The following LRP1B variants were observed in gnomAD, a reference collection of about 807,000 sequenced individuals.
LRP1B encodes low-density lipoprotein receptor-related protein 1B.
A neutral mutation model predicts 556.6 loss-of-function variants in LRP1B; 217 were observed. The observed-to-expected ratio is 0.39, with a 90% CI of 0.35 to 0.44. The LOEUF is 0.44. Among genes scored for constraint, LRP1B ranks in the 20% least tolerant of loss-of-function variants. The pLI, the probability that LRP1B is intolerant of heterozygous loss-of-function variation, is 1.00. For missense variants in LRP1B, 5,053 were observed against 5,620.8 expected, an observed-to-expected ratio of 0.90 and a Z score of 3.23; for synonymous variants, 2,047 against 1,865.8, an observed-to-expected ratio of 1.10 and a Z score of -2.50.
intron 84 of LRP1B, among the ~76,000 whole-genome samples, chr2:140,293,269 G>C (rs192658331): frequency 9.2e-5 from 14 of 152,216 alleles, no homozygotes; most frequent in African/African-American, 3.4e-4. Flanking sequence ...TTAACCTCAT[G>C]CTTAACACCT....
chr2:141,147,770 C>T (rs910782941), intron 7 of LRP1B, among the ~76,000 whole-genome samples: 13 of 152,140 alleles, frequency 8.5e-5, no homozygotes, highest in African/African-American at 2.4e-4. Context: ...TTTTGAAGTA[C>T]GGTCACATAC....
At chr2:141,663,779 T>C (rs1690314297) in intron 2 of LRP1B, among the ~76,000 whole-genome samples, 2 of 152,078 alleles carry the variant, frequency 1.3e-5, no homozygotes, top group African/African-American at 4.8e-5. Context: ...GTTGGTACCA[T>C]TTCTTCTGAA....
intron 1 of LRP1B, among the ~76,000 whole-genome samples, chr2:142,087,466 A>C (rs1270007025): frequency 6.6e-6 from 1 of 151,808 alleles, no homozygotes; most frequent in Non-Finnish European, 1.5e-5. Flanking sequence ...TGGACCTCCA[A>C]AGAGAAATTA....
chr2:141,840,514 C>A (rs1172051407), intron 1 of LRP1B, among the ~76,000 whole-genome samples: 2 of 151,996 alleles, frequency 1.3e-5, no homozygotes, highest in Non-Finnish European at 2.9e-5. Context: ...GCCTCGGCCT[C>A]CCAAAGTGCT....
chr2:140,561,714 A>C (rs1680937483), intron 43 of LRP1B, among the ~76,000 whole-genome samples: 1 of 152,126 alleles, frequency 6.6e-6, no homozygotes, highest in South Asian at 2.1e-4. Context: ...TTCCTCAAAA[A>C]AATAGAAAAA....
intron 2 of LRP1B, among the ~76,000 whole-genome samples, chr2:141,505,802 A>C (rs181421510): frequency 6.6e-6 from 1 of 152,180 alleles, no homozygotes; most frequent in Admixed American, 6.5e-5. Flanking sequence ...ATTCCTAATT[A>C]ACTCTTGTAA....
chr2:142,124,787 T>C (rs1013685034), intron 1 of LRP1B, among the ~76,000 whole-genome samples: 1 of 151,896 alleles, frequency 6.6e-6, no homozygotes, highest in Non-Finnish European at 1.5e-5. Flanking sequence ...TGATTTGCTC[T>C]GCAAACTAGA....
At chr2:141,563,107 T>A (rs1204595046) in intron 2 of LRP1B, among the ~76,000 whole-genome samples, 1 of 151,970 alleles carries the variant, frequency 6.6e-6, no homozygotes, top group Admixed American at 6.6e-5. Context: ...GCCTGGGTAT[T>A]AGGTGATTGT....
At chr2:142,004,498 C>T (rs1050222044) in intron 1 of LRP1B, among the ~76,000 whole-genome samples, 2 of 151,628 alleles carry the variant, frequency 1.3e-5, no homozygotes, top group Admixed American at 1.3e-4. Context: ...CATATATATT[C>T]ATGTATTTTT....
At position 140,232,672 on chromosome 2, in the gene LRP1B, G is replaced by A. The variant is rs931848243; in HGVS notation, c.*514C>T. On this transcript the variant is annotated 3_prime_UTR_variant, in exon 91 of 91. Transcript: ENST00000389484. ...GGCTAATTTCAAAGCAGGTGATGCTGAACTTGTGAGAGCTATATATTTTCA... is the reference window on the plus strand; with the variant it reads ...GGCTAATTTCAAAGCAGGTGATGCTAAACTTGTGAGAGCTATATATTTTCA... The A allele has an allele frequency of 1.3e-5, 2 of 151,696 alleles. No homozygotes were observed. Among genetic ancestry groups the A allele is most frequent in the African/African-American group, 2.4e-5 (1 of 41,316 alleles). The allele number at this position is 151,696 out of a possible 1,614,324, so 9.4% of individuals were successfully genotyped here.
chr2:141,686,678 C>T (rs972013098), intron 2 of LRP1B, among the ~76,000 whole-genome samples: 1 of 151,952 alleles, frequency 6.6e-6, no homozygotes, highest in Non-Finnish European at 1.5e-5. Flanking sequence ...TTGAAGGTCT[C>T]CTTCAAAACT....
chr2:140,880,997 A>G (rs777138335), intron 25 of LRP1B, among the ~76,000 whole-genome samples: 13 of 152,152 alleles, frequency 8.5e-5, no homozygotes, highest in Non-Finnish European at 1.9e-4. Flanking sequence ...TAGAAAATAT[A>G]ACAGTATTTA....
chr2:140,624,673 T>C (rs887093674), intron 41 of LRP1B, among the ~76,000 whole-genome samples: 3 of 152,182 alleles, frequency 2.0e-5, no homozygotes, highest in African/African-American at 4.8e-5. Flanking sequence ...GACAACAGCA[T>C]AAGACCCTGT....
chr2:141,698,198 G>C (rs1222047945), intron 2 of LRP1B, among the ~76,000 whole-genome samples: 1 of 151,858 alleles, frequency 6.6e-6, no homozygotes, highest in East Asian at 1.9e-4. Flanking sequence ...AAGTCACTCA[G>C]TGATTGCTTC....
chr2:141,910,272 T>C (rs951728098), intron 1 of LRP1B, among the ~76,000 whole-genome samples: 2 of 152,016 alleles, frequency 1.3e-5, no homozygotes, highest in Non-Finnish European at 2.9e-5. Context: ...TTAGAAACTA[T>C]GTATTGGTGT....
intron 7 of LRP1B, among the ~76,000 whole-genome samples, chr2:141,138,419 G>A (rs1317435059): frequency 6.6e-6 from 1 of 151,912 alleles, no homozygotes; most frequent in Non-Finnish European, 1.5e-5. Flanking sequence ...ACTCTGGTTA[G>A]TGCCCTCAGG....
At chr2:141,086,900 C>G (rs990911923) in intron 7 of LRP1B, among the ~76,000 whole-genome samples, 1 of 152,052 alleles carries the variant, frequency 6.6e-6, no homozygotes, top group Non-Finnish European at 1.5e-5. Flanking sequence ...CTCTGCACAC[C>G]AATGGTTCCA....
Position 140,974,569 on chromosome 2 carries a change from G to A in LRP1B, c.2887+7591C>T, listed in dbSNP as rs549263286. ...CATGTATATGTTTGTACTAGTAGGT[G>A]TGTACAAACCTGCTTTAATAGGAGA... On this transcript the variant is annotated intron_variant, in intron 18 of 90. Transcript: ENST00000389484. Among the ~76,000 whole-genome samples, 192 of 152,278 alleles carry A rather than the reference G, an allele frequency of 1.3e-3. 1 individual carries two copies. The highest frequency in any genetic ancestry group is 4.2e-3 in the African/African-American group (175 of 41,558).
chr2:141,464,051 GA>G (rs1469307882), intron 3 of LRP1B, among the ~76,000 whole-genome samples: 1 of 151,812 alleles, frequency 6.6e-6, no homozygotes, highest in Non-Finnish European at 1.5e-5. Flanking sequence ...GTTAATACTA[GA>G]AAAAGTATGC....
Sources: allele counts gnomAD v4.1 joint callset (sites outside exome capture counted in the v4.1 genomes callset), GRCh38; gene constraint gnomAD v4.1.1; transcripts MANE v1.5; gene names NCBI Gene and HGNC (gene_info 2026-07-23, HGNC 2026-07-21).